P2RY12: variants seen among roughly 807,000 people sequenced by gnomAD.
P2RY12 encodes purinergic receptor P2Y12.
In P2RY12, 3 loss-of-function variants were observed where a neutral mutation model predicts 4.5. The observed-to-expected ratio is 0.67, with a 90% CI of 0.31 to 1.74. P2RY12 has a LOEUF of 1.74. Ranked by LOEUF, P2RY12 falls within the 40% of genes most tolerant of loss-of-function variation. The pLI is 0.09. For synonymous variants in P2RY12, 148 were observed against 154.1 expected (o/e 0.96, Z 0.29); for missense variants, 356 against 407.8 (o/e 0.87, Z 1.09).
At chr3:151,339,456 T>C (rs913434514) in intron 2 of P2RY12, among the ~76,000 whole-genome samples, 6 of 151,946 alleles carry the variant, frequency 3.9e-5, no homozygotes, top group African/African-American at 1.2e-4. Context: ...CTGACCTTTT[T>C]TCTTTATATT....
intron 1 of P2RY12, among the ~76,000 whole-genome samples, chr3:151,341,676 A>G (rs1229303372): frequency 6.6e-6 from 1 of 151,868 alleles, no homozygotes; most frequent in Non-Finnish European, 1.5e-5. Flanking sequence ...TGCTACACCC[A>G]TTAACTCGTC....
chr3:151,367,043 A>T (rs1028839882), intron 1 of P2RY12, among the ~76,000 whole-genome samples: 1 of 152,020 alleles, frequency 6.6e-6, no homozygotes, highest in Admixed American at 6.6e-5. Flanking sequence ...TTTTCTTATT[A>T]TTTTCTGCCA....
At chr3:151,369,408 G>T in intron 1 of P2RY12, 1 of 1,438,144 alleles carries the variant, frequency 7.0e-7, no homozygotes, top group African/African-American at 1.4e-5. Flanking sequence ...ATGGTAATGA[G>T]ACTATTAAAG....
At chr3:151,380,085 T>C (rs771209990) in intron 1 of P2RY12, 2 of 1,359,348 alleles carry the variant, frequency 1.5e-6, no homozygotes, top group South Asian at 2.5e-5. Flanking sequence ...TCTAACTAGA[T>C]CTGTTGTTAT....
intron 1 of P2RY12, chr3:151,369,526 T>C: frequency 6.2e-7 from 1 of 1,610,186 alleles, no homozygotes; most frequent in Non-Finnish European, 8.5e-7. Context: ...GTGTTTGCTG[T>C]CTTAAAAGCA....
Position 151,338,862 on chromosome 3 carries a change from A to G in P2RY12, c.-14-3T>C, listed in dbSNP as rs763003106. The G allele has an allele frequency of 3.7e-6, 6 of 1,608,064 alleles. No homozygotes were observed. The highest frequency in any genetic ancestry group is 5.1e-6 in the Non-Finnish European group (6 of 1,174,834). ...GGCTTGCATTTCTTGTTGGTTACCT[A>G]GAGAACAAAAGAGAGGATGGTTATT... is the stretch of plus-strand genomic sequence containing the variant. On this transcript the variant is annotated splice_polypyrimidine_tract_variant and splice_region_variant and intron_variant, in intron 2 of 2. Transcript: ENST00000302632.
chr3:151,349,633 C>T (rs951986872), intron 1 of P2RY12, among the ~76,000 whole-genome samples: 1 of 151,986 alleles, frequency 6.6e-6, no homozygotes, highest in Non-Finnish European at 1.5e-5. Context: ...AGATATTTTT[C>T]CCTAAATGTA....
At chr3:151,382,894 A>C in intron 1 of P2RY12, 1 of 600,708 alleles carries the variant, frequency 1.7e-6, no homozygotes. Flanking sequence ...CTGTTTCTAA[A>C]GCCTTCTGTT....
chr3:151,377,970 A>T (rs1474178746), intron 1 of P2RY12: 1 of 1,527,866 alleles, frequency 6.5e-7, no homozygotes, highest in South Asian at 1.3e-5. Flanking sequence ...AGAGCAGGGG[A>T]AAGGATGCTT....
intron 1 of P2RY12, chr3:151,376,217 C>T (rs779949276): frequency 6.9e-7 from 1 of 1,448,438 alleles, no homozygotes; most frequent in African/African-American, 1.5e-5. Context: ...TTCTTCAGGT[C>T]AGTCGTATAC....
At chr3:151,340,229 A>C (rs1445044050) in intron 2 of P2RY12, among the ~76,000 whole-genome samples, 1 of 152,194 alleles carries the variant, frequency 6.6e-6, no homozygotes, top group African/African-American at 2.4e-5. Flanking sequence ...ACCGTTTTGG[A>C]AATTCGACTT....
At chr3:151,344,076 G>A (rs1370372181) in intron 1 of P2RY12, among the ~76,000 whole-genome samples, 2 of 152,000 alleles carry the variant, frequency 1.3e-5, no homozygotes, top group Non-Finnish European at 2.9e-5. Context: ...CGAGTCTTGG[G>A]CATTGAAATA....
chr3:151,366,652 C>G (rs576975393), intron 1 of P2RY12, among the ~76,000 whole-genome samples: 1 of 152,110 alleles, frequency 6.6e-6, no homozygotes, highest in Admixed American at 6.6e-5. Flanking sequence ...ATCTCTTATG[C>G]ATAGTTCTTT....
chr3:151,368,742 T>TTCATG (rs1755785125), intron 1 of P2RY12, among the ~76,000 whole-genome samples: 2 of 127,950 alleles, frequency 1.6e-5, no homozygotes, highest in Admixed American at 9.0e-5. Flanking sequence ...TTCATTTCAT[T>TTCATG]TCATTTCATG....
chr3:151,355,076 C>T, intron 1 of P2RY12: 1 of 1,417,360 alleles, frequency 7.1e-7, no homozygotes, highest in South Asian at 1.2e-5. Context: ...ATGTCGAGAG[C>T]TTCTATTAAA....
chr3:151,363,765 C>T (rs1300057659), intron 1 of P2RY12, among the ~76,000 whole-genome samples: 9 of 152,128 alleles, frequency 5.9e-5, no homozygotes, highest in East Asian at 3.9e-4. Context: ...GTTACACATA[C>T]GGACTCTATA....
At chr3:151,341,148 A>C (rs1455923136) in intron 1 of P2RY12, among the ~76,000 whole-genome samples, 1 of 152,122 alleles carries the variant, frequency 6.6e-6, no homozygotes, top group Non-Finnish European at 1.5e-5. Flanking sequence ...ATTTTCTTCT[A>C]ACAAGTAATT....
At chr3:151,360,445 C>T (rs1754473763) in intron 1 of P2RY12, 2 of 1,603,528 alleles carry the variant, frequency 1.2e-6, no homozygotes, top group Admixed American at 3.4e-5. Context: ...AAATCTATGT[C>T]TTATTTCTTC....
In P2RY12 at chr3:151,368,288, T is replaced by C. The variant is rs544682904; in HGVS notation, c.-180+16404A>G. On this transcript the variant is annotated intron_variant, in intron 1 of 2. Coordinates refer to ENST00000302632, the MANE Select transcript of P2RY12 (RefSeq NM_022788.5). The stretch of plus-strand genomic sequence containing the variant: ...GCAGAAAAATCTGATTACCTTTTCA[T>C]TGGTAGCTAAAGTTTCTAAAATGAC... 1.4e-5 allele frequency: 22 copies of C among 1,561,570 alleles called. 1 individual carries two copies. The South Asian group carries it at 1.8e-4, about 13-fold the overall frequency.
Sources: gnomAD v4.1 joint callset for allele counts (sites outside exome capture counted in the v4.1 genomes callset) on GRCh38, gnomAD v4.1.1 for gene constraint, MANE v1.5 for transcripts, NCBI Gene and HGNC (gene_info 2026-07-23, HGNC 2026-07-21) for gene names.